Variants in TNFSF8 observed in about 807,000 individuals in gnomAD.
TNFSF8 encodes the protein tumor necrosis factor ligand superfamily member 8.
TNFSF8 carries 4 observed loss-of-function variants against 22.0 expected under a neutral mutation model. The observed-to-expected ratio is 0.18, with a 90% confidence interval of 0.09 to 0.42. TNFSF8 has a LOEUF of 0.42. Ranked by LOEUF, TNFSF8 falls within the 10% of genes least tolerant of loss-of-function variation. The pLI is 1.00. For missense variants in TNFSF8, 233 were observed against 281.8 expected, an observed-to-expected ratio of 0.83 and a Z score of 1.24; for synonymous variants, 106 against 112.5, an observed-to-expected ratio of 0.94 and a Z score of 0.37.
In TNFSF8 at chr9:114,902,735, G is replaced by A; in HGVS notation, c.*1196C>T. The A allele has an allele frequency of 1.0e-6, 1 of 985,412 alleles. No individual in the cohort carries two copies. Among genetic ancestry groups the A allele is most frequent in the Non-Finnish European group, 1.2e-6 (1 of 829,938 alleles). The allele number at this position is 985,412 out of a possible 1,614,324, so 61.0% of individuals were successfully genotyped here. A position where few individuals can be genotyped will look rare whatever the true frequency, so the allele number is the denominator to read the frequency against. On this transcript the variant is annotated 3_prime_UTR_variant, in exon 4 of 4. Coordinates refer to ENST00000223795, the MANE Select transcript of TNFSF8 (RefSeq NM_001244.4). The stretch of plus-strand genomic sequence containing the variant: ...TTCCAAAATTGTGTCTGGAATCTCA[G>A]TTCCCAGGGTCTGGTCTTCTGAGAT...
intron 3 of TNFSF8, 57 bp downstream of exon 3, chr9:114,905,770 CT>C: frequency 1.5e-6 from 2 of 1,361,618 alleles, no homozygotes; most frequent in Non-Finnish European, 2.1e-6. Flanking sequence ...TTAAAAGTTG[CT>C]GAAAAGCCAC....
At chr9:114,920,023 T>C (rs1413200181) in intron 1 of TNFSF8, among the ~76,000 whole-genome samples, 1 of 152,238 alleles carries the variant, frequency 6.6e-6, no homozygotes, top group African/African-American at 2.4e-5. Flanking sequence ...TCTACGACTT[T>C]GTTGCCTTAG....
chr9:114,918,840 C>T (rs2131347481), intron 1 of TNFSF8, among the ~76,000 whole-genome samples: 1 of 152,282 alleles, frequency 6.6e-6, no homozygotes, highest in African/African-American at 2.4e-5. Flanking sequence ...ACCTTGTGGT[C>T]CACCCGCCTC....
rs1233431958 is a variant in TNFSF8, at chr9:114,918,440, A to G, written c.196-302T>C. 1.8e-4 allele frequency among the ~76,000 whole-genome samples: 26 copies of G among 148,066 alleles called. No individual in the cohort carries two copies. The Admixed American group carries it at 1.8e-3, about 10-fold the overall frequency. ...ATAGTTAATTTATAGAAGATCAGGG[A>G]CCAGAGCTGGGACTTTTTTTTTTTT... On this transcript the variant is annotated intron_variant, in intron 1 of 3. Coordinates refer to ENST00000223795, the MANE Select transcript of TNFSF8 (RefSeq NM_001244.4).
In TNFSF8 at chr9:114,907,376, C is replaced by A. The variant is rs183249405; in HGVS notation, c.239-1477G>T. 6.2e-4 allele frequency among the ~76,000 whole-genome samples: 95 copies of A among 152,304 alleles called. 1 individual carries two copies. The highest frequency in any genetic ancestry group is 9.8e-4 in the Admixed American group (15 of 15,300). On this transcript the variant is annotated intron_variant, in intron 2 of 3. Transcript: ENST00000223795. ...TGCCTGTTGCAGCCCACAGCCCACA[C>A]TCTTGGGGTTTGTAGTCAGAACCCC... is the stretch of plus-strand genomic sequence containing the variant.
chr9:114,923,104 T>C (rs1029673993), intron 1 of TNFSF8, among the ~76,000 whole-genome samples: 1 of 152,146 alleles, frequency 6.6e-6, no homozygotes, highest in Non-Finnish European at 1.5e-5. Context: ...CCGTCTCTTC[T>C]ATCAAATCTT....
intron 1 of TNFSF8, 146 bp from the exon 2 acceptor site, chr9:114,918,284 T>C: frequency 3.2e-6 from 2 of 631,370 alleles, no homozygotes; most frequent in Non-Finnish European, 5.1e-6. Flanking sequence ...AATTCACTGA[T>C]GTAGTTTCCA....
Position 114,930,242 on chromosome 9 carries a change from T to C in TNFSF8, c.62A>G (p.His21Arg). 6.2e-7 allele frequency: 1 copy of C among 1,606,836 alleles called. No individual in the cohort carries two copies. The highest frequency in any genetic ancestry group is 8.5e-7 in the Non-Finnish European group (1 of 1,176,530). Residue 21 changes from histidine (H) to arginine (R), a missense_variant, in exon 1 of 4, where the codon CAT (histidine) becomes CGT (arginine). By Grantham distance (29) the His-to-Arg change is conservative. Transcript: ENST00000223795. ...GMAPPGDTAM[H>R]VPAGSVASHL... Reference sequence around the variant, plus strand: ...GCTGGCCACGGAGCCCGCCGGCACATGCATGGCTGTGTCTCCAGGAGGGGC... The same window carrying C: ...GCTGGCCACGGAGCCCGCCGGCACACGCATGGCTGTGTCTCCAGGAGGGGC...
chr9:114,914,780 C>T (rs187393094), intron 2 of TNFSF8, among the ~76,000 whole-genome samples: 8 of 152,288 alleles, frequency 5.3e-5, no homozygotes, highest in East Asian at 1.9e-4. Flanking sequence ...TCCTCCCAGG[C>T]GCTCTTCCTG....
chr9:114,920,001 C>T (rs1283189302), intron 1 of TNFSF8, among the ~76,000 whole-genome samples: 1 of 152,194 alleles, frequency 6.6e-6, no homozygotes, highest in African/African-American at 2.4e-5. Flanking sequence ...AAGGCCCTTC[C>T]TACTGTAACA....
At chr9:114,925,749 C>G (rs1828049398) in intron 1 of TNFSF8, among the ~76,000 whole-genome samples, 1 of 152,090 alleles carries the variant, frequency 6.6e-6, no homozygotes, top group African/African-American at 2.4e-5. Flanking sequence ...GAGGCAGCTT[C>G]TTTCTTGAAA....
chr9:114,895,976 G>A (rs1389544420), intron 4 of TNFSF8, among the ~76,000 whole-genome samples: 1 of 152,184 alleles, frequency 6.6e-6, no homozygotes, highest in Non-Finnish European at 1.5e-5. Flanking sequence ...AAAATTCAGT[G>A]GTGATCATTA....
intron 2 of TNFSF8, among the ~76,000 whole-genome samples, chr9:114,909,304 T>C (rs1358069855): frequency 6.6e-6 from 1 of 152,196 alleles, no homozygotes; most frequent in Non-Finnish European, 1.5e-5. Context: ...AATTCTGCAA[T>C]GTCCCTGGAA....
At position 114,902,073 on chromosome 9, in the gene TNFSF8, A is replaced by G. The variant is rs1434072080; in HGVS notation, c.*1858T>C. 6 of 985,266 alleles carry G rather than the reference A, an allele frequency of 6.1e-6. No individual in the cohort carries two copies. The allele number at this position is 985,266 out of a possible 1,614,324, so 61.0% of individuals were successfully genotyped here. A position where few individuals can be genotyped will look rare whatever the true frequency, so the allele number is the denominator to read the frequency against. On this transcript the variant is annotated 3_prime_UTR_variant, in exon 4 of 4. Coordinates refer to ENST00000223795, the MANE Select transcript of TNFSF8 (RefSeq NM_001244.4). ...TTCCATCTTTTTTTACTGAAGCATA[A>G]CATCAGGGCCTACATTCCATCTCAA...
Position 114,918,089 on chromosome 9 carries a change from A to G in TNFSF8, c.238+7T>C. ...CTACACATTTACACCTAATTCCAAG[A>G]TCTTACCTCCTTTGAGGGGGACGTT... On this transcript the variant is annotated splice_region_variant and intron_variant, in intron 2 of 3. Coordinates refer to ENST00000223795, the MANE Select transcript of TNFSF8 (RefSeq NM_001244.4). 1 of 1,603,580 alleles carries G rather than the reference A, an allele frequency of 6.2e-7. No homozygotes were observed. The highest frequency in any genetic ancestry group is 8.5e-7 in the Non-Finnish European group (1 of 1,176,434).
At chr9:114,913,165 A>G (rs56088533) in intron 2 of TNFSF8, among the ~76,000 whole-genome samples, 4,631 of 152,176 alleles carry the variant, frequency 0.03, 224 homozygotes, top group African/African-American at 0.1. Context: ...TCATACCCCA[A>G]CTTTGGCTAC....
chr9:114,925,900 T>A (rs1372165548), intron 1 of TNFSF8, among the ~76,000 whole-genome samples: 2 of 152,172 alleles, frequency 1.3e-5, no homozygotes, highest in African/African-American at 4.8e-5. Context: ...CTTTTTGAAA[T>A]GTAAACACCT....
chr9:114,926,489 T>G (rs929720222), intron 1 of TNFSF8, among the ~76,000 whole-genome samples: 1 of 152,198 alleles, frequency 6.6e-6, no homozygotes, highest in Non-Finnish European at 1.5e-5. Flanking sequence ...ATTCCCCAGA[T>G]ATACTTGCAG....
intron 1 of TNFSF8, among the ~76,000 whole-genome samples, chr9:114,921,430 T>G (rs1827986287): frequency 6.6e-6 from 1 of 152,210 alleles, no homozygotes; most frequent in African/African-American, 2.4e-5. Flanking sequence ...AATTCTCTGG[T>G]GTACTTTCCA....
Sources: allele counts gnomAD v4.1 joint callset (sites outside exome capture counted in the v4.1 genomes callset), GRCh38; gene constraint gnomAD v4.1.1; transcripts MANE v1.5; gene names NCBI Gene and HGNC (gene_info 2026-07-23, HGNC 2026-07-21).